Variants in IL34 observed in about 807,000 individuals in gnomAD.
IL34 encodes the protein interleukin-34.
In IL34, 17 loss-of-function variants were observed where a neutral mutation model predicts 25.3. That is an observed-to-expected ratio of 0.67 (90% CI 0.46 to 1.01). The LOEUF (loss-of-function observed/expected upper bound fraction) is 1.01. Among genes scored for constraint, IL34 ranks in the 50% least tolerant of loss-of-function variants. IL34 has a pLI of 0.00. For missense variants in IL34, 368 were observed against 312.9 expected (o/e 1.18, Z -1.33); for synonymous variants, 174 against 140.9 (o/e 1.23, Z -1.66).
intron 1 of IL34, among the ~76,000 whole-genome samples, chr16:70,628,086 A>G (rs554271403): frequency 3.6e-4 from 55 of 152,280 alleles, no homozygotes; most frequent in Non-Finnish European, 5.3e-4. Flanking sequence ...ATTATTCTAC[A>G]TTGTTGCAAC....
chr16:70,584,509 C>T (rs775261253), intron 1 of IL34, among the ~76,000 whole-genome samples: 7 of 152,192 alleles, frequency 4.6e-5, no homozygotes, highest in Non-Finnish European at 7.3e-5. Context: ...GAAAAGTCAG[C>T]GCTCTGCTGC....
intron 1 of IL34, among the ~76,000 whole-genome samples, chr16:70,591,753 C>T (rs1008196496): frequency 1.3e-5 from 2 of 152,102 alleles, no homozygotes; most frequent in African/African-American, 2.4e-5. Context: ...TGGTGACGTG[C>T]AGCTGATATT....
chr16:70,598,321 T>C (rs545459008), intron 1 of IL34, among the ~76,000 whole-genome samples: 2 of 152,190 alleles, frequency 1.3e-5, no homozygotes, highest in Non-Finnish European at 2.9e-5. Context: ...TGTCCTGGCC[T>C]CTAGCTTTTG....
Position 70,659,761 on chromosome 16 carries a change from G to C in IL34, c.538+8G>C, listed in dbSNP as rs774540925. 2 of 1,588,956 alleles carry C rather than the reference G, an allele frequency of 1.3e-6. No individual in the cohort carries two copies. The highest frequency in any genetic ancestry group is 2.3e-5 in the East Asian group (1 of 44,172). On this transcript the variant is annotated splice_region_variant and intron_variant, in intron 5 of 5. Coordinates refer to ENST00000288098, the MANE Select transcript of IL34 (RefSeq NM_001393494.1). Reference sequence around the variant, plus strand: ...TGCTGTACTGCTCCTGCTGTAAGGAGCTCTCAGGGGATGGCGCCTGGGGGT... The same window carrying C: ...TGCTGTACTGCTCCTGCTGTAAGGACCTCTCAGGGGATGGCGCCTGGGGGT...
intron 1 of IL34, among the ~76,000 whole-genome samples, chr16:70,628,933 A>AT (rs1287585052): frequency 6.6e-6 from 1 of 151,886 alleles, no homozygotes; most frequent in East Asian, 1.9e-4. Context: ...GACAGCAAGC[A>AT]TGTACCATTG....
chr16:70,619,636 A>G (rs1199154032), intron 1 of IL34, among the ~76,000 whole-genome samples: 3 of 152,104 alleles, frequency 2.0e-5, no homozygotes, highest in Non-Finnish European at 4.4e-5. Context: ...TTAAGAAGGG[A>G]AAGGGCTTAC....
At chr16:70,607,124 C>T (rs1264083753) in intron 1 of IL34, among the ~76,000 whole-genome samples, 1 of 151,830 alleles carries the variant, frequency 6.6e-6, no homozygotes, top group African/African-American at 2.4e-5. Context: ...TTTTTTGAGA[C>T]AGAGTCTCGC....
At chr16:70,647,662 C>A (rs548172485) in intron 1 of IL34, among the ~76,000 whole-genome samples, 1 of 152,294 alleles carries the variant, frequency 6.6e-6, no homozygotes, top group African/African-American at 2.4e-5. Context: ...ACTGCCATGA[C>A]AACAAGGACC....
chr16:70,654,355 C>T (rs1182419489), intron 1 of IL34, 183 bp from the exon 2 acceptor site: 4 of 700,734 alleles, frequency 5.7e-6, no homozygotes, highest in East Asian at 2.9e-5. Context: ...GCCTGCCTGA[C>T]CTTGCTGTTC....
Position 70,632,478 on chromosome 16 carries a change from G to C in IL34, c.-400-14070G>C, listed in dbSNP as rs139775147. 2.3e-3 allele frequency among the ~76,000 whole-genome samples: 357 copies of C among 152,264 alleles called. 1 individual carries two copies. Among genetic ancestry groups the C allele is most frequent in the African/African-American group, 7.2e-3 (299 of 41,558 alleles). ...AAGATTCCTTCAGGTGGGCATTTTG[G>C]GGAACACATCTGTGAATGAATGGGA... On this transcript the variant is annotated intron_variant, in intron 1 of 6. Transcript: ENST00000429149.
chr16:70,655,822 C>A (rs2052204278), intron 2 of IL34, among the ~76,000 whole-genome samples: 1 of 152,194 alleles, frequency 6.6e-6, no homozygotes, highest in Non-Finnish European at 1.5e-5. Flanking sequence ...GACTGTCTCT[C>A]CTCAGCCTCC....
chr16:70,619,619 G>C (rs776971607), intron 1 of IL34, among the ~76,000 whole-genome samples: 3 of 151,446 alleles, frequency 2.0e-5, no homozygotes, highest in African/African-American at 2.4e-5. Context: ...GGTAGCCTCC[G>C]TATTGATTAA....
intron 1 of IL34, among the ~76,000 whole-genome samples, chr16:70,581,557 G>A (rs2050636367): frequency 1.3e-5 from 2 of 152,076 alleles, no homozygotes; most frequent in South Asian, 4.1e-4. Flanking sequence ...TGAGAATTAC[G>A]GGACTAATTT....
chr16:70,644,184 A>T (rs965243970), upstream of IL34, among the ~76,000 whole-genome samples: 1 of 152,186 alleles, frequency 6.6e-6, no homozygotes, highest in Non-Finnish European at 1.5e-5. Context: ...CATGTTGGCC[A>T]GGCTGGTCTC....
At position 70,646,937 on chromosome 16, in the gene IL34, G is replaced by A. The variant is rs994969753; in HGVS notation, c.-11G>A. On this transcript the variant is annotated 5_prime_UTR_variant, in exon 1 of 6. Transcript: ENST00000288098. ...GGCGCCTGAGCTCTCAGGGGGACGA[G>A]GAACACCACCATGCCCCGGGGCTTC... 2.0e-6 allele frequency: 3 copies of A among 1,478,386 alleles called. No homozygotes were observed. The African/African-American group carries it at 4.4e-5, about 22-fold the overall frequency. 91.6% of individuals were successfully genotyped at this position (1,478,386 alleles called of 1,614,324 possible).
At position 70,646,851 on chromosome 16, in the gene IL34, C is replaced by G. The variant is rs552363683; in HGVS notation, c.-97C>G. 1 of 1,232,310 alleles carries G rather than the reference C, an allele frequency of 8.1e-7. No individual in the cohort carries two copies. The highest frequency in any genetic ancestry group is 1.1e-6 in the Non-Finnish European group (1 of 918,682). 76.3% of individuals were successfully genotyped at this position (1,232,310 alleles called of 1,614,324 possible). ...AGCCCTTCCCTGACTGAGTGACCAC[C>G]TCTGCTGCCCCGAGGCCATGTAGGC... On this transcript the variant is annotated 5_prime_UTR_variant, in exon 1 of 6. Transcript: ENST00000288098.
rs1478093066 is a variant in IL34 at position 70,617,775 on chromosome 16, CTGCT to C, written c.-400-28770_-400-28767del. Among the ~76,000 whole-genome samples the C allele has an allele frequency of 1.3e-3, 198 of 152,148 alleles. 1 individual carries two copies. Among genetic ancestry groups the C allele is most frequent in the South Asian group, 5.4e-3 (26 of 4,814 alleles). ...CACTGAATACTAAGAGCCTGAAAAA[CTGCT>C]TGGCTGATTTGACTAATAAAGGCTC... is the stretch of plus-strand genomic sequence containing the variant. On this transcript the variant is annotated intron_variant, in intron 1 of 6. Transcript: ENST00000429149.
At chr16:70,620,897 A>G (rs1296486933) in intron 1 of IL34, among the ~76,000 whole-genome samples, 1 of 152,108 alleles carries the variant, frequency 6.6e-6, no homozygotes, top group Admixed American at 6.6e-5. Context: ...GAGAAGAAGG[A>G]GGAATGGAAT....
intron 1 of IL34, among the ~76,000 whole-genome samples, chr16:70,651,561 A>G (rs1273947137): frequency 6.6e-6 from 1 of 152,122 alleles, no homozygotes; most frequent in East Asian, 1.9e-4. Flanking sequence ...TGCAGGGACA[A>G]AGGCGAGGCA....
Sources: allele counts gnomAD v4.1 joint callset (sites outside exome capture counted in the v4.1 genomes callset), GRCh38; gene constraint gnomAD v4.1.1; transcripts MANE v1.5; gene names NCBI Gene and HGNC (gene_info 2026-07-23, HGNC 2026-07-21).